The following REEP3 variants were observed in gnomAD, a reference collection of about 807,000 sequenced individuals.
REEP3 encodes receptor expression-enhancing protein 3.
A neutral mutation model predicts 41.3 loss-of-function variants in REEP3; 20 were observed. The observed-to-expected ratio is 0.48, with a 90% CI of 0.34 to 0.70. The LOEUF is 0.70. Ranked by LOEUF, REEP3 falls within the 30% of genes least tolerant of loss-of-function variation. REEP3 has a pLI of 0.01. For synonymous variants in REEP3, 104 were observed against 101.8 expected (o/e 1.02, Z -0.13); for missense variants, 271 against 308.8 (o/e 0.88, Z 0.92).
chr10:63,522,744 G>A (rs1374675089), intron 1 of REEP3, among the ~76,000 whole-genome samples: 1 of 152,124 alleles, frequency 6.6e-6, no homozygotes. Context: ...CAGATTTGCA[G>A]CACAGCATTC....
intron 2 of REEP3, among the ~76,000 whole-genome samples, chr10:63,578,709 C>A (rs937408192): frequency 6.6e-6 from 1 of 152,064 alleles, no homozygotes; most frequent in Non-Finnish European, 1.5e-5. Context: ...CATAGCAGTT[C>A]AAGGCTTCAG....
At chr10:63,556,671 T>C (rs957981801) in intron 1 of REEP3, among the ~76,000 whole-genome samples, 1 of 131,452 alleles carries the variant, frequency 7.6e-6, no homozygotes, top group African/African-American at 2.8e-5. Flanking sequence ...AGTCTCGCTC[T>C]GTCGCCCAGG....
chr10:63,575,071 G>A (rs1010370979), intron 2 of REEP3, among the ~76,000 whole-genome samples: 1 of 151,882 alleles, frequency 6.6e-6, no homozygotes, highest in Non-Finnish European at 1.5e-5. Context: ...GGCCAAGCTG[G>A]TCTCGAACTC....
intron 1 of REEP3, among the ~76,000 whole-genome samples, chr10:63,548,199 T>C (rs1955596467): frequency 6.6e-6 from 1 of 152,352 alleles, no homozygotes. Flanking sequence ...GACCCTTTAC[T>C]GTTGCTAGGC....
chr10:63,580,909 G>C (rs1472098429), intron 2 of REEP3, among the ~76,000 whole-genome samples: 1 of 152,170 alleles, frequency 6.6e-6, no homozygotes, highest in African/African-American at 2.4e-5. Flanking sequence ...CTGCTTGGGA[G>C]ACTAAAACAA....
At chr10:63,567,392 C>A (rs1452946262) in intron 2 of REEP3, among the ~76,000 whole-genome samples, 1 of 152,156 alleles carries the variant, frequency 6.6e-6, no homozygotes, top group Non-Finnish European at 1.5e-5. Context: ...TATGTATTTA[C>A]CTATCCTGGA....
At chr10:63,592,609 G>A (rs1184610648) in intron 2 of REEP3, among the ~76,000 whole-genome samples, 1 of 152,072 alleles carries the variant, frequency 6.6e-6, no homozygotes, top group African/African-American at 2.4e-5. Flanking sequence ...TAACCTTATG[G>A]GCCGGGCGCG....
At chr10:63,547,008 G>A (rs1329559529) in intron 1 of REEP3, among the ~76,000 whole-genome samples, 5 of 151,478 alleles carry the variant, frequency 3.3e-5, no homozygotes, top group African/African-American at 1.2e-4. Context: ...TACAACCTCC[G>A]CCTCTCAGTT....
rs1956380588 is a variant in REEP3 at position 63,624,417 on chromosome 10, C to T, written c.*3548C>T. 1 of 152,000 alleles carries T rather than the reference C, an allele frequency of 6.6e-6. No homozygotes were observed. Among genetic ancestry groups the T allele is most frequent in the Non-Finnish European group, 1.5e-5 (1 of 67,948 alleles). The allele number at this position is 152,000 out of a possible 1,614,324, so 9.4% of individuals were successfully genotyped here. On this transcript the variant is annotated 3_prime_UTR_variant, in exon 8 of 8. Transcript: ENST00000373758. Reference sequence around the variant, plus strand: ...TGACTTAACATTTTGCCTTCTAACACCTTTTAAATCTATGTACTTTAATAG... The same window carrying T: ...TGACTTAACATTTTGCCTTCTAACATCTTTTAAATCTATGTACTTTAATAG...
intron 6 of REEP3, among the ~76,000 whole-genome samples, chr10:63,610,924 T>C (rs1255720866): frequency 2.0e-5 from 3 of 152,016 alleles, no homozygotes; most frequent in African/African-American, 7.2e-5. Context: ...CAAAAAAAAT[T>C]AGCTGGGCGT....
At chr10:63,583,172 T>C (rs887578449) in intron 2 of REEP3, among the ~76,000 whole-genome samples, 6 of 152,166 alleles carry the variant, frequency 3.9e-5, no homozygotes, top group African/African-American at 1.4e-4. Flanking sequence ...TTTGTATTTT[T>C]AGTAGAGACG....
At chr10:63,613,768 G>A (rs1377751943) in intron 6 of REEP3, among the ~76,000 whole-genome samples, 2 of 152,142 alleles carry the variant, frequency 1.3e-5, no homozygotes, top group Admixed American at 6.5e-5. Context: ...CTGCTAGAAG[G>A]TGGAGTAGAG....
intron 6 of REEP3, among the ~76,000 whole-genome samples, chr10:63,611,428 G>A (rs1956276421): frequency 6.6e-6 from 1 of 152,174 alleles, no homozygotes; most frequent in South Asian, 2.1e-4. Flanking sequence ...GAGCTAGCTT[G>A]TAGGCATATT....
intron 5 of REEP3, among the ~76,000 whole-genome samples, chr10:63,601,341 G>A (rs1424245305): frequency 6.6e-6 from 1 of 152,126 alleles, no homozygotes; most frequent in African/African-American, 2.4e-5. Flanking sequence ...TTAATTCTAG[G>A]CATGCAGAGT....
chr10:63,534,301 A>C (rs1955454727), intron 1 of REEP3, among the ~76,000 whole-genome samples: 1 of 151,868 alleles, frequency 6.6e-6, no homozygotes. Flanking sequence ...CTCAGGCTAG[A>C]GTGCAGTGGC....
At chr10:63,607,866 G>T (rs898769648) in intron 5 of REEP3, among the ~76,000 whole-genome samples, 7 of 152,156 alleles carry the variant, frequency 4.6e-5, no homozygotes, top group Non-Finnish European at 7.3e-5. Flanking sequence ...CCAAAGTTTG[G>T]GGATGATATA....
At chr10:63,618,074 C>T (rs1201604673) in intron 6 of REEP3, among the ~76,000 whole-genome samples, 1 of 151,640 alleles carries the variant, frequency 6.6e-6, no homozygotes, top group Non-Finnish European at 1.5e-5. Flanking sequence ...GATCCGCCCA[C>T]CTTGGCCTCC....
At chr10:63,573,119 A>C (rs1264476117) in intron 2 of REEP3, among the ~76,000 whole-genome samples, 9 of 152,232 alleles carry the variant, frequency 5.9e-5, no homozygotes, top group Non-Finnish European at 1.2e-4. Flanking sequence ...ATTCCCCTTA[A>C]GCCTGCAAAT....
In REEP3 at chr10:63,558,894, C is replaced by T. The variant is rs367858058; in HGVS notation, c.33-7444C>T. On this transcript the variant is annotated intron_variant, in intron 1 of 7. Transcript: ENST00000373758. ...TCTTCCATCATTCCAATTTTTGATC[C>T]TCTAGTTTATTTTGTTTGTTTAATA... Among the ~76,000 whole-genome samples the T allele has an allele frequency of 8.6e-5, 13 of 151,976 alleles. 1 individual carries two copies. Among genetic ancestry groups the T allele is most frequent in the African/African-American group, 2.7e-4 (11 of 41,458 alleles).
Sources: gnomAD v4.1 joint callset for allele counts (sites outside exome capture counted in the v4.1 genomes callset) on GRCh38, gnomAD v4.1.1 for gene constraint, MANE v1.5 for transcripts, NCBI Gene and HGNC (gene_info 2026-07-23, HGNC 2026-07-21) for gene names.